Variants in OR10J1 observed in about 807,000 individuals in gnomAD.
The protein encoded by OR10J1 is olfactory receptor family 10 subfamily J member 1, also known as olfactory receptor 10J1.
For synonymous variants in OR10J1, 202 were observed against 143.8 expected, an observed-to-expected ratio of 1.40 and a Z score of -2.89; for missense variants, 474 against 376.6, an observed-to-expected ratio of 1.26 and a Z score of -2.14.
the OR10J1 span, among the ~76,000 whole-genome samples, chr1:159,410,440 T>G: frequency 6.6e-6 from 1 of 152,180 alleles, no homozygotes; most frequent in South Asian, 2.1e-4. Flanking sequence ...GGTGTATGCG[T>G]CAAGGAATTT....
chr1:159,423,825 A>G, the OR10J1 span, among the ~76,000 whole-genome samples: 1 of 152,220 alleles, frequency 6.6e-6, no homozygotes, highest in Non-Finnish European at 1.5e-5. Flanking sequence ...CTTCCTAATG[A>G]AAACTACTTG....
chr1:159,422,868 C>G, the OR10J1 span, among the ~76,000 whole-genome samples: 1 of 152,166 alleles, frequency 6.6e-6, no homozygotes, highest in Non-Finnish European at 1.5e-5. Flanking sequence ...CATTAGGGAA[C>G]CTCTTCAGGC....
chr1:159,400,085 A>T, the OR10J1 span, among the ~76,000 whole-genome samples: 2 of 152,122 alleles, frequency 1.3e-5, no homozygotes, highest in Non-Finnish European at 2.9e-5. Context: ...CATCTTTACT[A>T]AAGAAAGATA....
At chr1:159,423,215 G>T in the OR10J1 span, among the ~76,000 whole-genome samples, 1 of 152,206 alleles carries the variant, frequency 6.6e-6, no homozygotes, top group South Asian at 2.1e-4. Flanking sequence ...TGATGACAAT[G>T]CTTCTACACT....
At chr1:159,432,325 C>A in the OR10J1 span, 1 of 401,228 alleles carries the variant, frequency 2.5e-6, no homozygotes, top group Non-Finnish European at 4.4e-6. Flanking sequence ...TTGACCCTTG[C>A]CAGCAATGCT....
the OR10J1 span, among the ~76,000 whole-genome samples, chr1:159,422,414 C>T: frequency 6.6e-6 from 1 of 152,150 alleles, no homozygotes; most frequent in African/African-American, 2.4e-5. Flanking sequence ...CAACCTTGCA[C>T]CAGCCTGCAA....
chr1:159,411,584 A>T, the OR10J1 span, among the ~76,000 whole-genome samples: 5 of 152,082 alleles, frequency 3.3e-5, no homozygotes, highest in African/African-American at 1.2e-4. Context: ...TTTTGAGCCT[A>T]TATGTGTCTC....
At chr1:159,411,956 A>T in the OR10J1 span, among the ~76,000 whole-genome samples, 1 of 152,118 alleles carries the variant, frequency 6.6e-6, no homozygotes, top group Non-Finnish European at 1.5e-5. Flanking sequence ...TCAGCCCAAA[A>T]TCTCCTTAAG....
chr1:159,436,335 A>G (rs1655736250), upstream of OR10J1, among the ~76,000 whole-genome samples: 1 of 152,122 alleles, frequency 6.6e-6, no homozygotes. Flanking sequence ...AATGAACCTG[A>G]TGAGAGCAGT....
chr1:159,403,211 T>A, the OR10J1 span, among the ~76,000 whole-genome samples: 1 of 152,048 alleles, frequency 6.6e-6, no homozygotes, highest in Non-Finnish European at 1.5e-5. Context: ...GGGCAAAAAT[T>A]TCTTGAGCAA....
chr1:159,419,620 T>C, the OR10J1 span, among the ~76,000 whole-genome samples: 1 of 152,230 alleles, frequency 6.6e-6, no homozygotes, highest in Non-Finnish European at 1.5e-5. Context: ...GTTGCTTAAA[T>C]TACATGTATT....
At chr1:159,435,108 G>A (rs1194542267), upstream of OR10J1, among the ~76,000 whole-genome samples, 2 of 152,096 alleles carry the variant, frequency 1.3e-5, no homozygotes, top group Non-Finnish European at 2.9e-5. Flanking sequence ...TGCTTATGTG[G>A]AACTAGACCT....
Position 159,440,768 on chromosome 1 carries a change from A to G in OR10J1, c.*47A>G. The G allele has an allele frequency of 6.4e-7, 1 of 1,563,348 alleles. No individual in the cohort carries two copies. ...GAGGCTGTCAACATCCACACTAGGC[A>G]GGAATATGAGGTGTAAACTCACAAA... On this transcript the variant is annotated 3_prime_UTR_variant, in exon 1 of 1. Coordinates refer to ENST00000423932, the MANE Select transcript of OR10J1 (RefSeq NM_012351.3).
chr1:159,405,569 C>CGTAT, the OR10J1 span: 1 of 369,882 alleles, frequency 2.7e-6, no homozygotes, highest in Admixed American at 3.3e-5. Context: ...CTGTTCTGCC[C>CGTAT]CAGGAAACTC....
upstream of OR10J1, among the ~76,000 whole-genome samples, chr1:159,438,549 A>G (rs773955344): frequency 1.8e-4 from 28 of 152,230 alleles, no homozygotes; most frequent in Non-Finnish European, 3.8e-4. Flanking sequence ...ATATTTTAGT[A>G]TCAAATGATT....
At chr1:159,403,770 A>G in the OR10J1 span, among the ~76,000 whole-genome samples, 1 of 152,188 alleles carries the variant, frequency 6.6e-6, no homozygotes, top group Non-Finnish European at 1.5e-5. Flanking sequence ...CTGGATATAT[A>G]CACAAAAGAA....
chr1:159,430,698 C>A, the OR10J1 span, among the ~76,000 whole-genome samples: 1 of 139,864 alleles, frequency 7.1e-6, no homozygotes, highest in Non-Finnish European at 1.6e-5. Flanking sequence ...GGTGGCCAAG[C>A]ATACAAATGG....
the OR10J1 span, among the ~76,000 whole-genome samples, chr1:159,412,761 C>T: frequency 6.6e-6 from 1 of 151,708 alleles, no homozygotes; most frequent in Non-Finnish European, 1.5e-5. Flanking sequence ...CGTTACCATT[C>T]AGGACATAGG....
chr1:159,398,940 C>T, the OR10J1 span, among the ~76,000 whole-genome samples: 1 of 152,106 alleles, frequency 6.6e-6, no homozygotes, highest in East Asian at 1.9e-4. Context: ...GCAAGAGGGT[C>T]ATAGAGCATG....
Sources: allele counts gnomAD v4.1 joint callset (sites outside exome capture counted in the v4.1 genomes callset), GRCh38; gene constraint gnomAD v4.1.1; transcripts MANE v1.5; gene names NCBI Gene and HGNC (gene_info 2026-07-23, HGNC 2026-07-21).